Variants in GALNT8 observed in about 807,000 individuals in gnomAD.
GALNT8 encodes polypeptide N-acetylgalactosaminyltransferase 8.
GALNT8 carries 66 observed loss-of-function variants against 62.7 expected under a neutral mutation model. That is an observed-to-expected ratio of 1.05 (90% CI 0.86 to 1.29). The LOEUF is 1.29. Among genes scored for constraint, GALNT8 ranks in the 50% most tolerant of loss-of-function variants. The pLI is 0.00. For synonymous variants in GALNT8, 288 were observed against 294.3 expected (o/e 0.98, Z 0.22); for missense variants, 771 against 791.8 (o/e 0.97, Z 0.32).
chr12:4,747,183 AT>A, intron 6 of GALNT8, among the ~76,000 whole-genome samples: 1 of 152,246 alleles, frequency 6.6e-6, no homozygotes, highest in East Asian at 1.9e-4. Flanking sequence ...TGGGGTATCC[AT>A]CCCCTCAAGC....
intron 10 of GALNT8, among the ~76,000 whole-genome samples, chr12:4,770,036 C>T (rs181650362): frequency 5.6e-4 from 85 of 152,302 alleles, no homozygotes; most frequent in African/African-American, 1.8e-3. Flanking sequence ...CGGTGGCTCA[C>T]GCCTATAACC....
In GALNT8 at chr12:4,725,839, C is replaced by T. The variant is rs141187921; in HGVS notation, c.212-693C>T. ...AAAGTGCAGGGATTACAGGCGTGAG[C>T]CACCACGCCCGGCCTGCTTTTGAAG... On this transcript the variant is annotated intron_variant, in intron 1 of 10. Transcript: ENST00000252318. 8.6e-3 allele frequency among the ~76,000 whole-genome samples: 1,307 copies of T among 152,260 alleles called. 20 individuals carry two copies. Among genetic ancestry groups the T allele is most frequent in the African/African-American group, 0.03 (1,264 of 41,548 alleles).
chr12:4,769,111 AG>A (rs1946412090), intron 10 of GALNT8, among the ~76,000 whole-genome samples: 1 of 152,184 alleles, frequency 6.6e-6, no homozygotes, highest in Non-Finnish European at 1.5e-5. Context: ...CACTGAAATA[AG>A]GGGGCATTTG....
At chr12:4,727,172 A>G (rs9300304) in intron 2 of GALNT8, among the ~76,000 whole-genome samples, 61,592 of 151,834 alleles carry the variant, frequency 0.41, 12,694 homozygotes, top group Admixed American at 0.44. Context: ...CACCAAAGCC[A>G]GTAGCTCTAC....
intron 3 of GALNT8, among the ~76,000 whole-genome samples, chr12:4,741,939 C>T (rs769853738): frequency 4.6e-5 from 7 of 152,194 alleles, no homozygotes; most frequent in Non-Finnish European, 8.8e-5. Context: ...CTACACTGAG[C>T]ATAACTCAAA....
At chr12:4,730,647 A>G (rs1946217539) in intron 2 of GALNT8, among the ~76,000 whole-genome samples, 1 of 152,092 alleles carries the variant, frequency 6.6e-6, no homozygotes, top group Non-Finnish European at 1.5e-5. Flanking sequence ...ATGTAGTGTA[A>G]TGTCTCCAGC....
chr12:4,720,523 C>G lies in GALNT8; in HGVS notation c.-155C>G, dbSNP rs1056892307. ...GGAGACTTTGCTCCTCAGAGGCCAC[C>G]CGTGGCTTCCCATGGGTGTCTCACA... On this transcript the variant is annotated 5_prime_UTR_variant, in exon 1 of 11. Coordinates refer to ENST00000252318, the MANE Select transcript of GALNT8 (RefSeq NM_017417.2). The G allele has an allele frequency of 1.6e-6, 1 of 623,234 alleles. No individual in the cohort carries two copies. Among genetic ancestry groups the G allele is most frequent in the African/African-American group, 1.8e-5 (1 of 54,338 alleles). 38.6% of individuals were successfully genotyped at this position (623,234 alleles called of 1,614,324 possible). A position where few individuals can be genotyped will look rare whatever the true frequency, so the allele number is the denominator to read the frequency against.
intron 6 of GALNT8, 97 bp downstream of exon 6, chr12:4,746,355 A>C (rs773762525): frequency 9.8e-5 from 75 of 761,618 alleles, no homozygotes; most frequent in East Asian, 1.3e-4. Context: ...GCTGAATGTC[A>C]TTGGCTCAAA....
At position 4,726,800 on chromosome 12, in the gene GALNT8, T is replaced by A; in HGVS notation, c.480T>A (p.Asn160Lys). The A allele has an allele frequency of 6.2e-7, 1 of 1,613,748 alleles. No homozygotes were observed. Among genetic ancestry groups the A allele is most frequent in the Non-Finnish European group, 8.5e-7 (1 of 1,179,914 alleles). ...ACCTCAGCAACCAGCTGCCTCTCAA[T>A]CGCACCATCCCCGACACGCGAGACT... ...NAYLSNQLPL[N>K]RTIPDTRDYR... The change falls in exon 2 of 11, where the codon AAT becomes AAA. Residue 160 changes from asparagine to lysine, a missense_variant. Transcript: ENST00000252318. The surrounding 1 kb of genome is among the most constrained non-coding windows in gnomAD (Gnocchi z 4.1).
At chr12:4,763,854 T>A in intron 8 of GALNT8, 98 bp from the exon 9 acceptor site, 2 of 729,238 alleles carry the variant, frequency 2.7e-6, no homozygotes, top group Non-Finnish European at 2.5e-6. Context: ...TCGTTCCTGG[T>A]GTCCTCGGTG....
At chr12:4,734,327 T>G (rs962434575) in intron 2 of GALNT8, among the ~76,000 whole-genome samples, 1 of 152,164 alleles carries the variant, frequency 6.6e-6, no homozygotes, top group East Asian at 1.9e-4. Flanking sequence ...CTTACAGCAT[T>G]GGTATCACTT....
At chr12:4,754,001 C>A in intron 6 of GALNT8, among the ~76,000 whole-genome samples, 1 of 152,182 alleles carries the variant, frequency 6.6e-6, no homozygotes, top group Admixed American at 6.5e-5. Context: ...CAGGCAGAGA[C>A]CCTTGTTCTC....
At chr12:4,761,757 T>C (rs1289116828) in intron 7 of GALNT8, among the ~76,000 whole-genome samples, 1 of 152,168 alleles carries the variant, frequency 6.6e-6, no homozygotes, top group Non-Finnish European at 1.5e-5. Flanking sequence ...CCACATCTTA[T>C]ACACTGGCTG....
At chr12:4,771,878 GA>G (rs1197922316) in intron 10 of GALNT8, among the ~76,000 whole-genome samples, 1 of 152,134 alleles carries the variant, frequency 6.6e-6, no homozygotes, top group Non-Finnish European at 1.5e-5. Context: ...TTCGTATGTG[GA>G]AGAGCAAGGA....
In GALNT8 at chr12:4,768,935, G is replaced by A. The variant is rs771975157; in HGVS notation, c.1761+3389G>A. ...GGAGATGAGACTAGATCATCCCTTC[G>A]TTTTCTTTGATTTCATGATTCTGTG... is the stretch of plus-strand genomic sequence containing the variant. On this transcript the variant is annotated intron_variant, in intron 10 of 10. Transcript: ENST00000252318. 6.6e-5 allele frequency among the ~76,000 whole-genome samples: 10 copies of A among 152,238 alleles called. No individual in the cohort carries two copies. In the South Asian group the frequency reaches 8.3e-4, roughly 13 times the overall value.
At chr12:4,745,742 G>A in intron 5 of GALNT8, 116 bp downstream of exon 5, 1 of 753,866 alleles carries the variant, frequency 1.3e-6, no homozygotes, top group Admixed American at 2.0e-5. Flanking sequence ...GGAGGGGAGG[G>A]GATGAGGTGA....
chr12:4,720,532 C>T lies in GALNT8; in HGVS notation c.-146C>T, dbSNP rs1946161149. 2 of 640,034 alleles carry T rather than the reference C, an allele frequency of 3.1e-6. No individual in the cohort carries two copies. Among genetic ancestry groups the T allele is most frequent in the Non-Finnish European group, 5.6e-6 (2 of 355,788 alleles). The allele number at this position is 640,034 out of a possible 1,614,324, so 39.6% of individuals were successfully genotyped here. On this transcript the variant is annotated 5_prime_UTR_variant, in exon 1 of 11. Transcript: ENST00000252318. ...GCTCCTCAGAGGCCACCCGTGGCTT[C>T]CCATGGGTGTCTCACACAGGGGAGA... is the stretch of plus-strand genomic sequence containing the variant.
At chr12:4,724,721 A>C (rs907746532) in intron 1 of GALNT8, among the ~76,000 whole-genome samples, 3 of 152,170 alleles carry the variant, frequency 2.0e-5, no homozygotes, top group Non-Finnish European at 2.9e-5. Flanking sequence ...TTTTTGCCCA[A>C]GTTTTTTCGA....
At position 4,772,709 on chromosome 12, in the gene GALNT8, T is replaced by C. The variant is rs1052093758; in HGVS notation, c.*112T>C. 27 of 833,362 alleles carry C rather than the reference T, an allele frequency of 3.2e-5. No individual in the cohort carries two copies. In the East Asian group the frequency reaches 6.8e-4, roughly 21 times the overall value. 51.6% of individuals were successfully genotyped at this position (833,362 alleles called of 1,614,324 possible). ...GAAAGAAAGCATGTGTATGTCTGTT[T>C]ATGGCGACTTCAGGTGGGGCCTGTG... On this transcript the variant is annotated 3_prime_UTR_variant, in exon 11 of 11. Transcript: ENST00000252318.
Sources: gnomAD v4.1 joint callset for allele counts (sites outside exome capture counted in the v4.1 genomes callset) on GRCh38, gnomAD v4.1.1 for gene constraint, Gnocchi (gnomAD v3.1) non-coding constraint, MANE v1.5 for transcripts, NCBI Gene and HGNC (gene_info 2026-07-23, HGNC 2026-07-21) for gene names.